The following CADM2 variants were observed in gnomAD, a reference collection of about 807,000 sequenced individuals.
CADM2 encodes immunoglobulin superfamily member 4D.
A neutral mutation model predicts 49.8 loss-of-function variants in CADM2; 12 were observed. The observed-to-expected ratio is 0.24, with a 90% CI of 0.15 to 0.39. The LOEUF (loss-of-function observed/expected upper bound fraction) is 0.39, where lower values mean the gene tolerates loss of function less well. Among genes scored for constraint, CADM2 ranks in the 10% least tolerant of loss-of-function variants. CADM2 has a pLI of 1.00. For synonymous variants in CADM2, 214 were observed against 175.4 expected (o/e 1.22, Z -1.74); for missense variants, 378 against 492.3 (o/e 0.77, Z 2.20).
intron 1 of CADM2, among the ~76,000 whole-genome samples, chr3:85,405,234 C>T (rs2035313534): frequency 6.6e-6 from 1 of 152,120 alleles, no homozygotes; most frequent in Admixed American, 6.6e-5. Flanking sequence ...TACTCAAAAT[C>T]TCTGTATCCT....
chr3:85,052,641 A>C (rs572407694), intron 1 of CADM2, among the ~76,000 whole-genome samples: 1 of 152,116 alleles, frequency 6.6e-6, no homozygotes, highest in Non-Finnish European at 1.5e-5. Context: ...AGGAACAGAG[A>C]AGTCATTTTT....
intron 4 of CADM2, among the ~76,000 whole-genome samples, chr3:85,885,970 TG>T (rs1219168162): frequency 6.6e-6 from 1 of 152,066 alleles, no homozygotes; most frequent in Non-Finnish European, 1.5e-5. Context: ...TATATGTGTA[TG>T]GATGTGTGTA....
At chr3:85,280,358 A>G (rs2043470799) in intron 1 of CADM2, among the ~76,000 whole-genome samples, 1 of 150,956 alleles carries the variant, frequency 6.6e-6, no homozygotes, top group Non-Finnish European at 1.5e-5. Flanking sequence ...TTTTTCTCAT[A>G]ACTTGCATCT....
At chr3:85,592,102 G>C (rs1426537742) in intron 1 of CADM2, among the ~76,000 whole-genome samples, 1 of 151,866 alleles carries the variant, frequency 6.6e-6, no homozygotes, top group Non-Finnish European at 1.5e-5. Context: ...GCAAATGTTT[G>C]CAAAGAGTAA....
At position 85,044,226 on chromosome 3, in the gene CADM2, G is replaced by A. The variant is rs528031549; in HGVS notation, c.61+84558G>A. On this transcript the variant is annotated intron_variant, in intron 1 of 9. Transcript: ENST00000383699. The stretch of plus-strand genomic sequence containing the variant: ...GTGCATTCCATATGGGTGAGAAGAA[G>A]CATGTTTCCTATTAGGAGCAGTTGG... Among the ~76,000 whole-genome samples, 10 of 152,254 alleles carry A rather than the reference G, an allele frequency of 6.6e-5. No individual in the cohort carries two copies. In the South Asian group the frequency reaches 2.1e-3, roughly 32 times the overall value.
chr3:85,061,962 AATATC>A (rs1309733489), intron 1 of CADM2, among the ~76,000 whole-genome samples: 2 of 151,620 alleles, frequency 1.3e-5, no homozygotes, highest in East Asian at 3.9e-4. Context: ...TATTTCAAGA[AATATC>A]AGTATCAGTG....
rs2034138972 is a variant in CADM2 at position 85,014,146 on chromosome 3, G to A, written c.61+54478G>A. On this transcript the variant is annotated intron_variant, in intron 1 of 9. Transcript: ENST00000383699. ...ATATTGTATATTATATATACGCAGT[G>A]TAATATTGTATATTATATATACGCA... Among the ~76,000 whole-genome samples, 4 of 134,418 alleles carry A rather than the reference G, an allele frequency of 3.0e-5. No individual in the cohort carries two copies. The South Asian group carries it at 6.9e-4, about 23-fold the overall frequency. The allele number at this position is 134,418 out of a possible 152,430, so 88.2% of individuals were successfully genotyped here. A position where few individuals can be genotyped will look rare whatever the true frequency, so the allele number is the denominator to read the frequency against.
At chr3:84,994,122 A>G (rs993101411) in intron 1 of CADM2, among the ~76,000 whole-genome samples, 1 of 152,074 alleles carries the variant, frequency 6.6e-6, no homozygotes, top group African/African-American at 2.4e-5. Context: ...GCTTCTTTTC[A>G]ATACTTCAGG....
chr3:85,064,944 C>G (rs1367689258), intron 1 of CADM2, among the ~76,000 whole-genome samples: 1 of 152,060 alleles, frequency 6.6e-6, no homozygotes, highest in African/African-American at 2.4e-5. Context: ...TTTAAGAGTA[C>G]TTATCTTTTC....
chr3:85,374,514 C>T (rs982248986), intron 1 of CADM2, among the ~76,000 whole-genome samples: 3 of 152,282 alleles, frequency 2.0e-5, no homozygotes, highest in African/African-American at 7.2e-5. Flanking sequence ...GTCACTTCCA[C>T]GTTTCTGGGT....
chr3:85,305,879 CT>C (rs1258486451), intron 1 of CADM2, among the ~76,000 whole-genome samples: 1 of 151,478 alleles, frequency 6.6e-6, no homozygotes, highest in Admixed American at 6.6e-5. Context: ...TTGTCTCTTT[CT>C]TTTTTTGAAA....
chr3:86,051,143 C>G (rs896071653), intron 8 of CADM2, among the ~76,000 whole-genome samples: 1 of 152,168 alleles, frequency 6.6e-6, no homozygotes, highest in Admixed American at 6.6e-5. Flanking sequence ...GCAGCCAGAT[C>G]AAATCTTGAA....
rs116056682 is a variant in CADM2, at chr3:85,095,202, C to T, written c.61+135534C>T. Among the ~76,000 whole-genome samples, 301 of 152,182 alleles carry T rather than the reference C, an allele frequency of 2.0e-3. 2 individuals are homozygous for T. Among genetic ancestry groups the T allele is most frequent in the African/African-American group, 7.0e-3 (289 of 41,528 alleles). ...AGATGGAATTTCATTCCTTTATGTT[C>T]TTGTAAAATCTAGAGATGTGCATAC... On this transcript the variant is annotated intron_variant, in intron 1 of 9. Coordinates refer to ENST00000383699, the MANE Select transcript of CADM2 (RefSeq NM_001167675.2).
chr3:85,242,460 T>G (rs1325088079), intron 1 of CADM2, among the ~76,000 whole-genome samples: 1 of 151,680 alleles, frequency 6.6e-6, no homozygotes, highest in Non-Finnish European at 1.5e-5. Flanking sequence ...GTTTTTTTAC[T>G]GCTTCAAGTC....
intron 1 of CADM2, among the ~76,000 whole-genome samples, chr3:85,583,183 A>G (rs939498954): frequency 6.6e-6 from 1 of 152,144 alleles, no homozygotes; most frequent in Non-Finnish European, 1.5e-5. Context: ...AGCAGCTATT[A>G]TAAGAACTCG....
chr3:86,026,272 A>G (rs1305677480), intron 8 of CADM2, among the ~76,000 whole-genome samples: 1 of 152,126 alleles, frequency 6.6e-6, no homozygotes, highest in Non-Finnish European at 1.5e-5. Flanking sequence ...GTACTAGGGG[A>G]GAACTCTGTT....
intron 1 of CADM2, among the ~76,000 whole-genome samples, chr3:85,164,323 G>A (rs2040411970): frequency 1.3e-5 from 2 of 151,954 alleles, no homozygotes; most frequent in South Asian, 4.1e-4. Flanking sequence ...AAGATTTTAA[G>A]AAAATGAACT....
At chr3:85,926,035 G>T (rs1719793282) in intron 6 of CADM2, among the ~76,000 whole-genome samples, 1 of 151,930 alleles carries the variant, frequency 6.6e-6, no homozygotes, top group Non-Finnish European at 1.5e-5. Context: ...TACTCGGGAG[G>T]CTGAGGCAGG....
At chr3:84,964,335 A>T (rs897513559) in intron 1 of CADM2, among the ~76,000 whole-genome samples, 1 of 152,160 alleles carries the variant, frequency 6.6e-6, no homozygotes, top group African/African-American at 2.4e-5. Context: ...AAATGACATG[A>T]ATTTTCTCCT....
Sources: allele counts gnomAD v4.1 joint callset (sites outside exome capture counted in the v4.1 genomes callset), GRCh38; gene constraint gnomAD v4.1.1; transcripts MANE v1.5; gene names NCBI Gene and HGNC (gene_info 2026-07-23, HGNC 2026-07-21).